The following ZNF346 variants were observed in gnomAD, a reference collection of about 807,000 sequenced individuals.
The protein encoded by ZNF346 is zinc finger protein 346, also known as double-stranded RNA-binding zinc finger protein JAZ.
In ZNF346, 23 loss-of-function variants were observed where a neutral mutation model predicts 33.7. The ratio of observed to expected loss-of-function variants is 0.68; its 90% CI spans 0.49 to 0.97. ZNF346 has a LOEUF of 0.97. Among genes scored for constraint, ZNF346 ranks in the 50% least tolerant of loss-of-function variants. ZNF346 has a pLI of 0.00. For synonymous variants in ZNF346, 134 were observed against 142.4 expected (o/e 0.94, Z 0.42); for missense variants, 340 against 371.1 (o/e 0.92, Z 0.69).
Position 177,064,682 on chromosome 5 carries a change from CGTT to C in ZNF346, c.*87_*89del, listed in dbSNP as rs955647394. The C allele has an allele frequency of 6.1e-6, 7 of 1,138,230 alleles. No homozygotes were observed. In the African/African-American group the frequency reaches 1.1e-4, roughly 17 times the overall value. 70.5% of individuals were successfully genotyped at this position (1,138,230 alleles called of 1,614,324 possible). On this transcript the variant is annotated 3_prime_UTR_variant, in exon 7 of 7. Coordinates refer to ENST00000358149, the MANE Select transcript of ZNF346 (RefSeq NM_012279.4). ...GCTCAGCCCTTGGCTCCCTCTTGCT[CGTT>C]GTTCTCACCAGGAAAGTACACGGGC...
chr5:177,054,481 C>T (rs1401405876), intron 5 of ZNF346, among the ~76,000 whole-genome samples: 1 of 152,044 alleles, frequency 6.6e-6, no homozygotes, highest in African/African-American at 2.4e-5. Flanking sequence ...TCACTGGAAC[C>T]TCCGCCTTCC....
intron 1 of ZNF346, among the ~76,000 whole-genome samples, chr5:177,037,560 C>T (rs985981306): frequency 1.4e-4 from 22 of 152,294 alleles, no homozygotes; most frequent in African/African-American, 5.3e-4. Context: ...CCTTTCCTTC[C>T]TTCACTCCCA....
chr5:177,072,908 T>C (rs756143881), downstream of ZNF346, among the ~76,000 whole-genome samples: 55 of 152,226 alleles, frequency 3.6e-4, no homozygotes, highest in Non-Finnish European at 6.8e-4. Context: ...ATGACTTTTC[T>C]TTAAGTCAGT....
downstream of ZNF346, among the ~76,000 whole-genome samples, chr5:177,070,556 G>A (rs1783453865): frequency 1.3e-5 from 2 of 152,224 alleles, no homozygotes; most frequent in South Asian, 4.1e-4. Flanking sequence ...CCTCGGGGTG[G>A]AACATTAGTA....
chr5:177,051,514 A>G (rs1371030387), intron 5 of ZNF346, among the ~76,000 whole-genome samples: 2 of 148,430 alleles, frequency 1.3e-5, no homozygotes, highest in South Asian at 2.1e-4. Context: ...AGCCAGATTT[A>G]TATAGAAATC....
intron 5 of ZNF346, among the ~76,000 whole-genome samples, chr5:177,058,765 G>A (rs146587187): frequency 0.011 from 1,751 of 152,290 alleles, 11 homozygotes; most frequent in South Asian, 0.025. Flanking sequence ...CTTGGCAGGA[G>A]GCTCTCCAAG....
At position 177,022,768 on chromosome 5, in the gene ZNF346, G is replaced by C. The variant is rs1775963953; in HGVS notation, c.30G>C (p.Gln10His). 3.9e-6 allele frequency: 6 copies of C among 1,556,444 alleles called. No homozygotes were observed. The highest frequency in any genetic ancestry group is 5.2e-6 in the Non-Finnish European group (6 of 1,153,814). Residue 10 changes from glutamine (Q) to histidine (H), a missense_variant, in exon 1 of 7, where the codon CAG (glutamine) becomes CAC (histidine). Gln to His is a conservative substitution (Grantham distance 24, BLOSUM62 0). Coordinates refer to ENST00000358149, the MANE Select transcript of ZNF346 (RefSeq NM_012279.4). MEYPAPATV[Q>H]AADGGAAGPY... ...AGTATCCCGCGCCGGCCACGGTGCA[G>C]GCCGCGGACGGCGGAGCGGCCGGGC...
chr5:177,027,549 G>A (rs1776972282), intron 1 of ZNF346, among the ~76,000 whole-genome samples: 1 of 140,312 alleles, frequency 7.1e-6, no homozygotes, highest in African/African-American at 2.7e-5. Flanking sequence ...TTGTGCCACT[G>A]CACTCCAGTC....
intron 1 of ZNF346, among the ~76,000 whole-genome samples, chr5:177,039,815 G>A (rs2149624941): frequency 6.6e-6 from 1 of 152,246 alleles, no homozygotes; most frequent in South Asian, 2.1e-4. Context: ...GATTAAAAAT[G>A]TGGGCCTGCC....
At chr5:177,058,031 T>A (rs1031449655) in intron 5 of ZNF346, among the ~76,000 whole-genome samples, 4 of 150,448 alleles carry the variant, frequency 2.7e-5, no homozygotes, top group African/African-American at 9.7e-5. Context: ...ATGTTGGCCA[T>A]GCTGGTCTCA....
intron 1 of ZNF346, among the ~76,000 whole-genome samples, chr5:177,027,599 A>G (rs1386768718): frequency 3.3e-5 from 5 of 151,310 alleles, no homozygotes; most frequent in African/African-American, 1.2e-4. Context: ...AAAAAAAAAA[A>G]AAAAAAAGTT....
At chr5:177,042,912 C>T (rs991959243) in intron 3 of ZNF346, among the ~76,000 whole-genome samples, 49 of 152,044 alleles carry the variant, frequency 3.2e-4, no homozygotes, top group African/African-American at 1.2e-3. Flanking sequence ...AGTGCAGTGG[C>T]ACGATCTCAG....
downstream of ZNF346, among the ~76,000 whole-genome samples, chr5:177,071,697 A>G (rs1783514158): frequency 1.4e-5 from 2 of 144,710 alleles, no homozygotes; most frequent in East Asian, 2.0e-4. Context: ...AAAAAAAAAA[A>G]GAAGAAGAAG....
Position 177,062,261 on chromosome 5 carries a change from T to A in ZNF346, c.797+110T>A, listed in dbSNP as rs1782645000. Reference sequence around the variant, plus strand: ...TGAAATGGAATCCTGGCAGTCTTTTTTCAGTGAACAGAAGATGAATCATGT... The same window carrying A: ...TGAAATGGAATCCTGGCAGTCTTTTATCAGTGAACAGAAGATGAATCATGT... On this transcript the variant is annotated intron_variant, in intron 6 of 6. Transcript: ENST00000358149. 3.6e-6 allele frequency: 3 copies of A among 825,984 alleles called. No individual in the cohort carries two copies. In the Admixed American group the frequency reaches 6.5e-5, roughly 18 times the overall value. The allele number at this position is 825,984 out of a possible 1,614,324, so 51.2% of individuals were successfully genotyped here.
At chr5:177,068,841 C>CT, downstream of ZNF346, among the ~76,000 whole-genome samples, 1 of 143,260 alleles carries the variant, frequency 7.0e-6, no homozygotes, top group East Asian at 1.9e-4. Context: ...TAACTGTTTC[C>CT]TTTTTTTCTC....
intron 5 of ZNF346, among the ~76,000 whole-genome samples, chr5:177,057,979 G>A (rs998180866): frequency 2.7e-5 from 4 of 149,820 alleles, no homozygotes; most frequent in South Asian, 2.1e-4. Context: ...GCACCACCAC[G>A]GCCAGCTAAT....
Position 177,050,860 on chromosome 5 carries a change from C to T in ZNF346, c.627C>T (p.His209=), listed in dbSNP as rs1352543688. ...AACAACATTATGTGGGCAAGAAACA[C>T]AGAAAACAGGAGACCAAGCTCAAAC... The part of the protein sequence containing the change: ...MAQQHYVGKK[H]RKQETKLKLM... The change falls in exon 5 of 7, where the codon CAC becomes CAT. Residue 209 remains histidine, a synonymous_variant. Coordinates refer to ENST00000358149, the MANE Select transcript of ZNF346 (RefSeq NM_012279.4). The T allele has an allele frequency of 1.9e-6, 3 of 1,614,068 alleles. No individual in the cohort carries two copies. The African/African-American group carries it at 4.0e-5, about 22-fold the overall frequency.
intron 1 of ZNF346, among the ~76,000 whole-genome samples, chr5:177,032,995 C>A (rs1035065551): frequency 1.3e-5 from 2 of 152,222 alleles, no homozygotes; most frequent in African/African-American, 4.8e-5. Flanking sequence ...TTAGGCCATA[C>A]TGCCCATTAA....
chr5:177,032,707 G>A (rs1035012765), intron 1 of ZNF346, among the ~76,000 whole-genome samples: 2 of 152,010 alleles, frequency 1.3e-5, no homozygotes, highest in East Asian at 1.9e-4. Flanking sequence ...CACCATGCCC[G>A]GCCTCTTCAT....
Sources: gnomAD v4.1 joint callset for allele counts (sites outside exome capture counted in the v4.1 genomes callset) on GRCh38, gnomAD v4.1.1 for gene constraint, MANE v1.5 for transcripts, NCBI Gene and HGNC (gene_info 2026-07-23, HGNC 2026-07-21) for gene names.